FANCC: variants seen among roughly 807,000 people sequenced by gnomAD.
The protein encoded by FANCC is FA complementation group C, also known as Fanconi anemia group C protein.
In FANCC, 55 loss-of-function variants were observed where a neutral mutation model predicts 71.3. The observed-to-expected ratio is 0.77, with a 90% CI of 0.62 to 0.97. The LOEUF (loss-of-function observed/expected upper bound fraction) is 0.97, where lower values mean the gene tolerates loss of function less well. Ranked by LOEUF, FANCC falls within the 50% of genes least tolerant of loss-of-function variation. The pLI, the probability that FANCC is intolerant of heterozygous loss-of-function variation, is 0.00. For synonymous variants in FANCC, 275 were observed against 244.9 expected (o/e 1.12, Z -1.15); for missense variants, 678 against 670.9 (o/e 1.01, Z -0.12).
chr9:95,102,837 G>A (rs1029439964), intron 14 of FANCC, among the ~76,000 whole-genome samples: 18 of 152,194 alleles, frequency 1.2e-4, no homozygotes, highest in Non-Finnish European at 2.5e-4. Flanking sequence ...AAGAGTAAAC[G>A]ACGTGGTGTG....
chr9:95,292,796 G>A (rs1386988474), intron 1 of FANCC: 1 of 1,554,146 alleles, frequency 6.4e-7, no homozygotes, highest in Non-Finnish European at 8.9e-7. Flanking sequence ...TCGTAAAACA[G>A]CACTTTATGA....
intron 4 of FANCC, among the ~76,000 whole-genome samples, chr9:95,173,679 G>A (rs916813411): frequency 6.6e-5 from 10 of 152,126 alleles, no homozygotes; most frequent in African/African-American, 2.2e-4. Flanking sequence ...ACTTTGGAAG[G>A]CCGAGACGGG....
intron 3 of FANCC, among the ~76,000 whole-genome samples, chr9:95,245,027 G>A (rs367966680): frequency 1.8e-4 from 27 of 151,818 alleles, no homozygotes; most frequent in African/African-American, 6.3e-4. Context: ...CCTCTCACAC[G>A]ACATCATAAA....
intron 3 of FANCC, among the ~76,000 whole-genome samples, chr9:95,245,976 T>C (rs1015967422): frequency 3.3e-5 from 5 of 152,162 alleles, no homozygotes; most frequent in African/African-American, 9.6e-5. Context: ...TGTGAGTAAC[T>C]GCAAGTGCAG....
Position 95,101,033 on chromosome 9 carries a change from T to C in FANCC, c.*674A>G, listed in dbSNP as rs2071054791. The stretch of plus-strand genomic sequence containing the variant: ...TCTAATGTTTCTGGAACACATCCTC[T>C]ACCTTCGCCTGCCGGCTCCTCTGAT... On this transcript the variant is annotated 3_prime_UTR_variant, in exon 15 of 15. Coordinates refer to ENST00000289081, the MANE Select transcript of FANCC (RefSeq NM_000136.3). The C allele has an allele frequency of 4.3e-6, 1 of 234,052 alleles. No individual in the cohort carries two copies. The highest frequency in any genetic ancestry group is 2.2e-5 in the African/African-American group (1 of 45,360). The allele number at this position is 234,052 out of a possible 1,614,324, so 14.5% of individuals were successfully genotyped here.
rs10710492 is a variant in FANCC at position 95,311,233 on chromosome 9, CAAAAAA to C, written c.-79+6287_-79+6292del. 4.3e-4 allele frequency among the ~76,000 whole-genome samples: 33 copies of C among 76,030 alleles called. No homozygotes were observed. In the South Asian group the frequency reaches 0.011, roughly 26 times the overall value. 49.9% of individuals were successfully genotyped at this position (76,030 alleles called of 152,430 possible). A position where few individuals can be genotyped will look rare whatever the true frequency, so the allele number is the denominator to read the frequency against. ...CGGGAGACAGAGTGAGATTCCGTCTCAAAAAAAAAAAAAAAAAAAAAATCAGGAGTT... is the reference window on the plus strand; with the variant it reads ...CGGGAGACAGAGTGAGATTCCGTCTCAAAAAAAAAAAAAAAATCAGGAGTT... On this transcript the variant is annotated intron_variant, in intron 1 of 14. Coordinates refer to ENST00000289081, the MANE Select transcript of FANCC (RefSeq NM_000136.3).
chr9:95,300,025 A>G (rs1435036323), intron 1 of FANCC, among the ~76,000 whole-genome samples: 2 of 152,174 alleles, frequency 1.3e-5, no homozygotes, highest in African/African-American at 2.4e-5. Context: ...TTTATCAGTC[A>G]TTTCTTTGTA....
At chr9:95,293,834 A>G (rs1834209315) in intron 1 of FANCC, 12 of 1,612,664 alleles carry the variant, frequency 7.4e-6, no homozygotes, top group Non-Finnish European at 1.0e-5. Flanking sequence ...CCAGTGGGAT[A>G]CAAAGTCCAA....
chr9:95,123,688 G>A (rs780773688), intron 10 of FANCC: 15 of 670,624 alleles, frequency 2.2e-5, no homozygotes, highest in South Asian at 6.8e-5. Flanking sequence ...TTTCTGAAGC[G>A]AGCGTCTTTG....
intron 7 of FANCC, among the ~76,000 whole-genome samples, chr9:95,149,510 G>A (rs968523841): frequency 2.7e-5 from 4 of 149,854 alleles, no homozygotes; most frequent in Non-Finnish European, 5.9e-5. Flanking sequence ...ATGGAGTCTC[G>A]CTCTGTTGCC....
chr9:95,110,285 C>T (rs2071810941), intron 13 of FANCC: 1 of 1,012,856 alleles, frequency 9.9e-7, no homozygotes, highest in South Asian at 4.7e-5. Flanking sequence ...TGTCAGTAAC[C>T]TTTTGACTGT....
intron 1 of FANCC, among the ~76,000 whole-genome samples, chr9:95,267,360 A>G (rs184536295): frequency 6.6e-6 from 1 of 152,268 alleles, no homozygotes; most frequent in East Asian, 1.9e-4. Context: ...GCAGCCATGA[A>G]TGCCCAGGTA....
intron 6 of FANCC, among the ~76,000 whole-genome samples, chr9:95,165,010 G>C (rs114308053): frequency 4.6e-5 from 7 of 152,036 alleles, no homozygotes; most frequent in African/African-American, 7.2e-5. Flanking sequence ...TTATTCAGTC[G>C]TGTAGGCTGT....
At chr9:95,252,377 T>A (rs1376165039) in intron 1 of FANCC, among the ~76,000 whole-genome samples, 1 of 148,146 alleles carries the variant, frequency 6.8e-6, no homozygotes, top group African/African-American at 2.5e-5. Context: ...TAGATGCAGA[T>A]CAGTTTAGAT....
At chr9:95,296,845 T>A (rs1004220519) in intron 1 of FANCC, among the ~76,000 whole-genome samples, 1 of 152,230 alleles carries the variant, frequency 6.6e-6, no homozygotes, top group Non-Finnish European at 1.5e-5. Flanking sequence ...CTAAAAATTT[T>A]CAAAATTGTA....
chr9:95,103,188 G>A lies in FANCC; in HGVS notation c.1534-1338C>T, dbSNP rs2071193228. Among the ~76,000 whole-genome samples the A allele has an allele frequency of 2.0e-5, 3 of 151,958 alleles. No individual in the cohort carries two copies. In the South Asian group the frequency reaches 6.2e-4, roughly 32 times the overall value. On this transcript the variant is annotated intron_variant, in intron 14 of 14. Coordinates refer to ENST00000289081, the MANE Select transcript of FANCC (RefSeq NM_000136.3). ...TGGCCATGCCCATGCTGATGGGCTT[G>A]GCCATGTCTGAAGAAAGGCCGAGTT...
intron 10 of FANCC, among the ~76,000 whole-genome samples, chr9:95,123,160 G>A (rs1825339158): frequency 6.6e-6 from 1 of 151,994 alleles, no homozygotes; most frequent in African/African-American, 2.4e-5. Context: ...AAAATTAGCT[G>A]GGCGTGGTGG....
intron 4 of FANCC, among the ~76,000 whole-genome samples, chr9:95,231,524 C>A (rs796620667): frequency 1.3e-5 from 2 of 152,256 alleles, no homozygotes; most frequent in African/African-American, 4.8e-5. Flanking sequence ...CTAGCGAGAG[C>A]CCCTGTCTCC....
At chr9:95,237,359 T>C (rs1460637128) in intron 4 of FANCC, among the ~76,000 whole-genome samples, 2 of 152,078 alleles carry the variant, frequency 1.3e-5, no homozygotes, top group Non-Finnish European at 2.9e-5. Context: ...CTTGAAAGAG[T>C]GAAGTTTATT....
Sources: gnomAD v4.1 joint callset for allele counts (sites outside exome capture counted in the v4.1 genomes callset) on GRCh38, gnomAD v4.1.1 for gene constraint, MANE v1.5 for transcripts, NCBI Gene and HGNC (gene_info 2026-07-23, HGNC 2026-07-21) for gene names.